Variants in FBXL19 observed in about 807,000 individuals in gnomAD.
FBXL19 encodes F-box and leucine rich repeat protein 19, also known as F-box/LRR-repeat protein 19.
Under a neutral mutation model 71.2 loss-of-function variants are expected in FBXL19, and 16 were observed. The ratio of observed to expected loss-of-function variants is 0.22; its 90% CI spans 0.15 to 0.34. The LOEUF is 0.34. Ranked by LOEUF, FBXL19 falls within the 10% of genes least tolerant of loss-of-function variation. The pLI, the probability that FBXL19 is intolerant of heterozygous loss-of-function variation, is 1.00. For missense variants in FBXL19, 658 were observed against 968.2 expected (o/e 0.68, Z 4.25); for synonymous variants, 447 against 409.4 (o/e 1.09, Z -1.11).
chr16:30,931,676 A>G (rs946600541), intron 7 of FBXL19, among the ~76,000 whole-genome samples: 1 of 152,174 alleles, frequency 6.6e-6, no homozygotes, highest in Non-Finnish European at 1.5e-5. Context: ...TGTGCAGCCA[A>G]AAGTACCAGA....
rs1596659241 is a variant in FBXL19 at position 30,946,724 on chromosome 16, G to A, written c.1628-6G>A. On this transcript the variant is annotated splice_polypyrimidine_tract_variant and splice_region_variant and intron_variant, in intron 9 of 10. Transcript: ENST00000338343. The surrounding 1 kb of genome is among the most constrained non-coding windows in gnomAD (Gnocchi z 6.7). Reference sequence around the variant, plus strand: ...AGGAGTGCTGACCTCTCATCTGGCTGCCCAGGGCAAACAGAGAGCCGTGGT... The same window carrying A: ...AGGAGTGCTGACCTCTCATCTGGCTACCCAGGGCAAACAGAGAGCCGTGGT... 2 of 1,610,686 alleles carry A rather than the reference G, an allele frequency of 1.2e-6. No homozygotes were observed. The highest frequency in any genetic ancestry group is 3.3e-5 in the Admixed American group (2 of 59,738).
At chr16:30,937,662 G>A (rs763760155) in intron 7 of FBXL19, among the ~76,000 whole-genome samples, 7 of 152,140 alleles carry the variant, frequency 4.6e-5, no homozygotes, top group Non-Finnish European at 8.8e-5. Context: ...CACTGGAGCC[G>A]AGCCACGAAG....
At chr16:30,928,358 G>A in intron 5 of FBXL19, 109 bp from the exon 6 acceptor site, 1 of 1,195,756 alleles carries the variant, frequency 8.4e-7, no homozygotes, top group Non-Finnish European at 1.1e-6. Flanking sequence ...CTGGGACGGG[G>A]GCTTCTGGGA....
intron 7 of FBXL19, among the ~76,000 whole-genome samples, chr16:30,939,710 G>A (rs1482681602): frequency 6.6e-6 from 1 of 151,842 alleles, no homozygotes; most frequent in Non-Finnish European, 1.5e-5. Flanking sequence ...GAGCCACCGC[G>A]CCCGGCAACA....
chr16:30,943,355 A>T (rs986818925), intron 9 of FBXL19, among the ~76,000 whole-genome samples: 5 of 143,902 alleles, frequency 3.5e-5, no homozygotes, highest in Non-Finnish European at 6.0e-5. Context: ...ACGCCTGGCT[A>T]ATTTTTTTGT....
chr16:30,944,046 G>C (rs1022441996), intron 9 of FBXL19, among the ~76,000 whole-genome samples: 1 of 152,110 alleles, frequency 6.6e-6, no homozygotes, highest in African/African-American at 2.4e-5. Flanking sequence ...AGCTATGGGT[G>C]GGGGGTAAGG....
At chr16:30,936,965 A>T (rs1216564408) in intron 7 of FBXL19, among the ~76,000 whole-genome samples, 3 of 136,046 alleles carry the variant, frequency 2.2e-5, no homozygotes, top group Non-Finnish European at 4.8e-5. Flanking sequence ...CTGGTCTTGA[A>T]CTCCTGACCT....
chr16:30,937,759 G>A (rs1256384803), intron 7 of FBXL19, among the ~76,000 whole-genome samples: 1 of 152,138 alleles, frequency 6.6e-6, no homozygotes, highest in East Asian at 1.9e-4. Flanking sequence ...GTGGGCAGGT[G>A]TGTGGCCTGG....
In FBXL19 at chr16:30,942,682, G is replaced by A; in HGVS notation, c.1627+146G>A. ...AGTTTGAATAGGAAGGCCCTGGTTG[G>A]GCATTATTCATTCATTCACCCACCT... On this transcript the variant is annotated intron_variant, in intron 9 of 10. Transcript: ENST00000338343. This position sits in a 1 kb window ranked among gnomAD's most constrained non-coding sequence, Gnocchi z 5.7. The A allele has an allele frequency of 1.4e-6, 2 of 1,389,326 alleles. No individual in the cohort carries two copies. Among genetic ancestry groups the A allele is most frequent in the Non-Finnish European group, 1.9e-6 (2 of 1,063,474 alleles). 86.1% of individuals were successfully genotyped at this position (1,389,326 alleles called of 1,614,324 possible). A position where few individuals can be genotyped will look rare whatever the true frequency, so the allele number is the denominator to read the frequency against.
intron 7 of FBXL19, among the ~76,000 whole-genome samples, chr16:30,934,018 G>A (rs2055704108): frequency 6.6e-6 from 1 of 151,856 alleles, no homozygotes; most frequent in African/African-American, 2.4e-5. Flanking sequence ...CTCCCAAAGT[G>A]CTGGGATTAC....
chr16:30,930,345 C>T lies in FBXL19; in HGVS notation c.1062C>T (p.Arg354=), dbSNP rs377527367. ...KENRGGRRAV[R]PGSGGPLLSW... is the part of the protein sequence containing the mutation. ...ACCGTGGGGGGCGGCGGGCTGTGCG[C>T]CCTGGCAGTGGGGGGCCCCTACTCA... The change falls in exon 7 of 11, where the codon CGC becomes CGT. Residue 354 remains arginine (R), a synonymous_variant. Coordinates refer to ENST00000338343, the MANE Select transcript of FBXL19 (RefSeq NM_001382779.1). This position sits in a 1 kb window ranked among gnomAD's most constrained non-coding sequence, Gnocchi z 8.5. 1.1e-4 allele frequency: 174 copies of T among 1,587,018 alleles called. No homozygotes were observed. In the African/African-American group the frequency reaches 2.1e-3, roughly 19 times the overall value.
chr16:30,940,690 G>A lies in FBXL19; in HGVS notation c.1302-1426G>A, dbSNP rs566293375. 2.2e-4 allele frequency among the ~76,000 whole-genome samples: 34 copies of A among 152,048 alleles called. 1 individual carries two copies. The South Asian group carries it at 6.9e-3, about 31-fold the overall frequency. ...TTGTTTGTTTGTTTGTTTTTGAGATGGAGTCTCTCACTGTTGCCCCAGCTG... is the reference window on the plus strand; with the variant it reads ...TTGTTTGTTTGTTTGTTTTTGAGATAGAGTCTCTCACTGTTGCCCCAGCTG... On this transcript the variant is annotated intron_variant, in intron 7 of 10. Coordinates refer to ENST00000338343, the MANE Select transcript of FBXL19 (RefSeq NM_001382779.1).
upstream of FBXL19, chr16:30,923,097 C>G (rs1444533011): frequency 2.2e-6 from 1 of 456,636 alleles, no homozygotes; most frequent in Non-Finnish European, 4.4e-6. Context: ...TTCCATTGTT[C>G]CTGACGAGTA....
chr16:30,927,691 G>C, intron 4 of FBXL19, 32 bp downstream of exon 4: 1 of 1,559,258 alleles, frequency 6.4e-7, no homozygotes, highest in South Asian at 1.2e-5. Flanking sequence ...GCTGTGGGTA[G>C]GTGGGTGTTG....
intron 7 of FBXL19, among the ~76,000 whole-genome samples, chr16:30,932,256 A>T (rs1242537135): frequency 9.2e-5 from 14 of 152,232 alleles, no homozygotes; most frequent in Non-Finnish European, 2.9e-5. Context: ...CTGAACGCAC[A>T]GCCTGTCAGG....
In FBXL19 at chr16:30,947,565, GAC is replaced by G. The variant is rs902249418; in HGVS notation, c.*343_*344del. ...GTGTTGGGGGGGAGAATGGGGAAAGGACACACACAGGATATGGGAGCCAGGGG... is the reference window on the plus strand; with the variant it reads ...GTGTTGGGGGGGAGAATGGGGAAAGGACACACAGGATATGGGAGCCAGGGG... On this transcript the variant is annotated 3_prime_UTR_variant, in exon 11 of 11. Transcript: ENST00000338343. The G allele has an allele frequency of 1.3e-5, 4 of 300,378 alleles. No individual in the cohort carries two copies. In the Admixed American group the frequency reaches 1.9e-4, roughly 15 times the overall value. 18.6% of individuals were successfully genotyped at this position (300,378 alleles called of 1,614,324 possible).
intron 7 of FBXL19, among the ~76,000 whole-genome samples, chr16:30,931,769 C>T (rs1458227025): frequency 6.6e-6 from 1 of 151,992 alleles, no homozygotes; most frequent in African/African-American, 2.4e-5. Flanking sequence ...CTCTGTGGCC[C>T]AGGTTAGAGT....
intron 6 of FBXL19, 123 bp downstream of exon 6, chr16:30,928,751 GTGTCCGGACACCT>G: frequency 1.8e-6 from 1 of 552,320 alleles, no homozygotes; most frequent in Non-Finnish European, 2.6e-6. Context: ...GCCACGGTGG[GTGTCCGGACACCT>G]GGGATGAGTT....
In FBXL19 at chr16:30,946,975, C is replaced by T; in HGVS notation, c.1846+27C>T. The T allele has an allele frequency of 6.3e-7, 1 of 1,588,678 alleles. No homozygotes were observed. The highest frequency in any genetic ancestry group is 8.6e-7 in the Non-Finnish European group (1 of 1,168,390). On this transcript the variant is annotated intron_variant, in intron 10 of 10. Transcript: ENST00000338343. The surrounding 1 kb of genome is among the most constrained non-coding windows in gnomAD (Gnocchi z 6.7). ...TAAGCACGGTCCCCCATCCGTCCTGCCAGCCTGTGGATCCCCACGGCCAGT... is the reference window on the plus strand; with the variant it reads ...TAAGCACGGTCCCCCATCCGTCCTGTCAGCCTGTGGATCCCCACGGCCAGT...
Sources: allele counts gnomAD v4.1 joint callset (sites outside exome capture counted in the v4.1 genomes callset), GRCh38; gene constraint gnomAD v4.1.1; non-coding constraint Gnocchi (gnomAD v3.1); transcripts MANE v1.5; gene names NCBI Gene and HGNC (gene_info 2026-07-23, HGNC 2026-07-21).